Variants in RAB3GAP2 observed in about 807,000 individuals in gnomAD.
RAB3GAP2 encodes RAB3 GTPase activating non-catalytic protein subunit 2, also known as rab3 GTPase-activating protein non-catalytic subunit.
RAB3GAP2 carries 87 observed loss-of-function variants against 185.3 expected under a neutral mutation model. The ratio of observed to expected loss-of-function variants is 0.47; its 90% CI spans 0.39 to 0.56. RAB3GAP2 has a LOEUF of 0.56. Ranked by LOEUF, RAB3GAP2 falls within the 20% of genes least tolerant of loss-of-function variation. RAB3GAP2 has a pLI of 0.00. For synonymous variants in RAB3GAP2, 554 were observed against 576.1 expected (o/e 0.96, Z 0.55); for missense variants, 1,492 against 1,638.2 (o/e 0.91, Z 1.54).
chr1:220,245,218 A>G (rs1464439371), intron 1 of RAB3GAP2, among the ~76,000 whole-genome samples: 7 of 152,144 alleles, frequency 4.6e-5, no homozygotes, highest in Non-Finnish European at 1.5e-5. Flanking sequence ...CATGAGTGAC[A>G]CAGAAGACGG....
chr1:220,171,768 G>A, intron 23 of RAB3GAP2, 121 bp downstream of exon 23: 1 of 1,059,826 alleles, frequency 9.4e-7, no homozygotes, highest in African/African-American at 1.6e-5. Context: ...AAGAAATTAA[G>A]GGGAGCACCT....
In RAB3GAP2 at chr1:220,217,335, A is replaced by C. The variant is rs1056208225; in HGVS notation, c.181-3356T>G. 4.6e-5 allele frequency among the ~76,000 whole-genome samples: 7 copies of C among 152,280 alleles called. No individual in the cohort carries two copies. In the East Asian group the frequency reaches 1.2e-3, roughly 25 times the overall value. On this transcript the variant is annotated intron_variant, in intron 2 of 34. Coordinates refer to ENST00000358951, the MANE Select transcript of RAB3GAP2 (RefSeq NM_012414.4). ...TTTCTGTAGTTCTTTGAGTCGATTT[A>C]CAGCTACAAGATGACCACTGTATTT... is the stretch of plus-strand genomic sequence containing the variant.
chr1:220,246,363 G>A (rs1389128300), intron 1 of RAB3GAP2, among the ~76,000 whole-genome samples: 2 of 148,694 alleles, frequency 1.3e-5, no homozygotes, highest in South Asian at 4.3e-4. Flanking sequence ...TCAGTGTGGC[G>A]ATTCCTCAGG....
In RAB3GAP2 at chr1:220,253,521, C is replaced by A. The variant is rs540887729; in HGVS notation, c.115+18702G>T. On this transcript the variant is annotated intron_variant, in intron 1 of 34. Transcript: ENST00000358951. ...GTTGGGTGGGGTAGAGAGTAGGGGG[C>A]GGTAGTCGGGGGTGGTGGGAGAAGG... The A allele has an allele frequency of 3.6e-3, 4,803 of 1,340,462 alleles. 19 individuals carry two copies. Among genetic ancestry groups the A allele is most frequent in the Middle Eastern group, 8.1e-3 (32 of 3,972 alleles). The allele number at this position is 1,340,462 out of a possible 1,614,324, so 83.0% of individuals were successfully genotyped here.
intron 4 of RAB3GAP2, 175 bp from the exon 5 acceptor site, chr1:220,211,177 C>G: frequency 1.4e-6 from 1 of 706,028 alleles, no homozygotes; most frequent in Non-Finnish European, 2.5e-6. Flanking sequence ...CCATAAAATT[C>G]ATTCACACAA....
intron 2 of RAB3GAP2, among the ~76,000 whole-genome samples, chr1:220,214,988 T>C (rs1486731262): frequency 1.0e-5 from 1 of 98,044 alleles, no homozygotes; most frequent in African/African-American, 4.3e-5. Flanking sequence ...TTCTATACTT[T>C]GCTTTTTTCT....
At chr1:220,219,069 C>A (rs1659253963) in intron 2 of RAB3GAP2, among the ~76,000 whole-genome samples, 1 of 152,064 alleles carries the variant, frequency 6.6e-6, no homozygotes, top group Non-Finnish European at 1.5e-5. Flanking sequence ...TAAATTTTAC[C>A]ATATTATGAA....
chr1:220,267,608 C>G, intron 1 of RAB3GAP2: 1 of 1,376,154 alleles, frequency 7.3e-7, no homozygotes, highest in Non-Finnish European at 1.0e-6. Flanking sequence ...CAGGTGCCGA[C>G]AGCGGGGACT....
At chr1:220,168,588 G>A (rs1658115654) in intron 24 of RAB3GAP2, among the ~76,000 whole-genome samples, 1 of 151,278 alleles carries the variant, frequency 6.6e-6, no homozygotes, top group African/African-American at 2.4e-5. Context: ...GTAGAGACAG[G>A]GTTTCACCAT....
intron 2 of RAB3GAP2, chr1:220,219,324 C>A (rs1659258199): frequency 6.6e-6 from 1 of 152,322 alleles, no homozygotes. Flanking sequence ...CTACAGGGAT[C>A]ATTTGAGTGA....
rs578098893 is a variant in RAB3GAP2 at position 220,176,456 on chromosome 1, C to T, written c.2311-3714G>A. Among the ~76,000 whole-genome samples, 4 of 152,304 alleles carry T rather than the reference C, an allele frequency of 2.6e-5. No homozygotes were observed. The South Asian group carries it at 8.3e-4, about 32-fold the overall frequency. ...TGAAGCCCAGAAACAGCCCAGTCCC[C>T]ACAAGGGGCTTGGCTACTTCCCTGT... On this transcript the variant is annotated intron_variant, in intron 21 of 34. Coordinates refer to ENST00000358951, the MANE Select transcript of RAB3GAP2 (RefSeq NM_012414.4).
intron 16 of RAB3GAP2, 86 bp from the exon 17 acceptor site, chr1:220,189,853 T>C: frequency 1.7e-6 from 2 of 1,211,882 alleles, no homozygotes; most frequent in Non-Finnish European, 1.2e-6. Flanking sequence ...ATATCTGTAC[T>C]ATCAGTGAGT....
At chr1:220,176,462 G>T (rs1482303761) in intron 21 of RAB3GAP2, among the ~76,000 whole-genome samples, 1 of 152,128 alleles carries the variant, frequency 6.6e-6, no homozygotes, top group Non-Finnish European at 1.5e-5. Flanking sequence ...TCCCCACAAG[G>T]GGCTTGGCTA....
At chr1:220,171,191 C>T in intron 23 of RAB3GAP2, 71 bp from the exon 24 acceptor site, 1 of 1,343,320 alleles carries the variant, frequency 7.4e-7, no homozygotes, top group Non-Finnish European at 1.1e-6. Flanking sequence ...GAGCTTTTAA[C>T]TTGAAAGCTG....
intron 2 of RAB3GAP2, among the ~76,000 whole-genome samples, chr1:220,231,208 A>G (rs1659494902): frequency 6.6e-6 from 1 of 152,218 alleles, no homozygotes; most frequent in Non-Finnish European, 1.5e-5. Context: ...GTCCTGCTAC[A>G]TCACACTGGC....
rs1307185185 is a variant in RAB3GAP2, at chr1:220,210,499, A to G, written c.511-10T>C. On this transcript the variant is annotated splice_polypyrimidine_tract_variant and intron_variant, in intron 6 of 34. Transcript: ENST00000358951. ...GCAAGAGCACACCATTCTAGGAGGA[A>G]GCACAGAGAAGGGCCCTGCTTGTTT... 2 of 1,596,156 alleles carry G rather than the reference A, an allele frequency of 1.3e-6. No homozygotes were observed. The highest frequency in any genetic ancestry group is 3.3e-5 in the Admixed American group (2 of 60,002).
intron 26 of RAB3GAP2, among the ~76,000 whole-genome samples, chr1:220,166,762 CTT>C (rs752407971): frequency 1.3e-5 from 2 of 151,720 alleles, no homozygotes; most frequent in Non-Finnish European, 3.0e-5. Flanking sequence ...CGATCTGCCT[CTT>C]TGTTCTTCTG....
intron 1 of RAB3GAP2, among the ~76,000 whole-genome samples, chr1:220,255,144 A>G (rs773681474): frequency 2.0e-5 from 3 of 151,992 alleles, no homozygotes; most frequent in Admixed American, 1.3e-4. Flanking sequence ...TTTTCTGGAA[A>G]AGTCAATCTT....
chr1:220,205,411 T>C (rs111737308), intron 8 of RAB3GAP2, among the ~76,000 whole-genome samples: 3 of 152,248 alleles, frequency 2.0e-5, no homozygotes, highest in African/African-American at 7.2e-5. Context: ...TACAGTGATA[T>C]CTGTAGGATC....
Sources: allele counts gnomAD v4.1 joint callset (sites outside exome capture counted in the v4.1 genomes callset), GRCh38; gene constraint gnomAD v4.1.1; transcripts MANE v1.5; gene names NCBI Gene and HGNC (gene_info 2026-07-23, HGNC 2026-07-21).